Variants in ORC1 observed in about 807,000 individuals in gnomAD.
ORC1 encodes the protein origin recognition complex subunit 1.
A neutral mutation model predicts 98.9 loss-of-function variants in ORC1; 61 were observed. The observed-to-expected ratio is 0.62, with a 90% CI of 0.50 to 0.76. The LOEUF (loss-of-function observed/expected upper bound fraction) is 0.76, where lower values mean the gene tolerates loss of function less well. ORC1 is among the 30% of genes least tolerant of loss of function. ORC1 has a pLI of 0.00. For synonymous variants in ORC1, 385 were observed against 406.9 expected (o/e 0.95, Z 0.65); for missense variants, 979 against 1,072.2 (o/e 0.91, Z 1.21).
chr1:52,382,348 G>C lies in ORC1; in HGVS notation c.2014-587C>G, dbSNP rs561346632. ...CCTTTGATTCTATCAGAATCATTTGGAAGTAGATAAAAGCTGAGGTGCTTT... is the reference window on the plus strand; with the variant it reads ...CCTTTGATTCTATCAGAATCATTTGCAAGTAGATAAAAGCTGAGGTGCTTT... On this transcript the variant is annotated intron_variant, in intron 13 of 16. Coordinates refer to ENST00000371568, the MANE Select transcript of ORC1 (RefSeq NM_004153.4). Among the ~76,000 whole-genome samples the C allele has an allele frequency of 1.1e-4, 17 of 152,226 alleles. No homozygotes were observed. In the East Asian group the frequency reaches 2.7e-3, roughly 24 times the overall value.
chr1:52,402,033 G>A, intron 2 of ORC1, 96 bp downstream of exon 2: 2 of 896,920 alleles, frequency 2.2e-6, no homozygotes, highest in Middle Eastern at 2.1e-4. Flanking sequence ...GTTCATTCAT[G>A]GTCAATCTGT....
chr1:52,383,398 TG>T, intron 13 of ORC1, 21 bp downstream of exon 13: 1 of 1,612,076 alleles, frequency 6.2e-7, no homozygotes, highest in South Asian at 1.1e-5. Context: ...AAGAACAGCA[TG>T]GGAACTGCCC....
At chr1:52,392,441 C>T (rs1415144815) in intron 6 of ORC1, among the ~76,000 whole-genome samples, 2 of 152,168 alleles carry the variant, frequency 1.3e-5, no homozygotes, top group African/African-American at 2.4e-5. Context: ...AAAGGGAACA[C>T]TTCTACACTG....
At chr1:52,376,198 C>G (rs1324735100) in intron 14 of ORC1, among the ~76,000 whole-genome samples, 1 of 152,076 alleles carries the variant, frequency 6.6e-6, no homozygotes, top group Non-Finnish European at 1.5e-5. Context: ...ATGGCGAAAC[C>G]CCATCTCTAC....
Position 52,388,463 on chromosome 1 carries a change from G to GCC in ORC1, c.1361_1362insGG (p.Thr455AlafsTer40), listed in dbSNP as rs1647172177. 4 of 1,613,916 alleles carry GCC rather than the reference G, an allele frequency of 2.5e-6. No individual in the cohort carries two copies. The highest frequency in any genetic ancestry group is 3.4e-6 in the Non-Finnish European group (4 of 1,179,938). On this transcript the variant is annotated frameshift_variant, in exon 8 of 17. Transcript: ENST00000371568. LOFTEE classifies it high-confidence loss of function. ...TTACACTCTTCTTTGGCACCTTCGT[G>GCC]AGGGTATGTAAGGATGACTTCAAGG...
chr1:52,402,216 T>G lies in ORC1; in HGVS notation c.8A>C (p.His3Pro), dbSNP rs146333732. The G allele has an allele frequency of 4.3e-6, 7 of 1,613,882 alleles. No homozygotes were observed. In the East Asian group the frequency reaches 1.6e-4, roughly 36 times the overall value. The change falls in exon 2 of 17, where the codon CAC becomes CCC. Residue 3 changes from histidine to proline, a missense_variant. By Grantham distance (77) the His-to-Pro change is moderately conservative. Coordinates refer to ENST00000371568, the MANE Select transcript of ORC1 (RefSeq NM_004153.4). Reference sequence around the variant, plus strand: ...TCTGGTCTTCAGCCTTGTGGGGTAGTGTGCCATGGCTTCTGTGGAAGAGTC... The same window carrying G: ...TCTGGTCTTCAGCCTTGTGGGGTAGGGTGCCATGGCTTCTGTGGAAGAGTC... MAHYPTRLKTRKT... is the reference protein window; with the variant it reads MAPYPTRLKTRKT...
chr1:52,405,588 G>A, upstream of ORC1: 1 of 1,139,090 alleles, frequency 8.8e-7, no homozygotes, highest in South Asian at 1.4e-5. Flanking sequence ...CACTGTTGAT[G>A]TATATTTAGG....
upstream of ORC1, chr1:52,404,620 C>T (rs2147951881): frequency 2.0e-6 from 2 of 1,009,498 alleles, no homozygotes; most frequent in Non-Finnish European, 2.9e-6. Flanking sequence ...GTGTTTCCGG[C>T]TTCAAGATGG....
Position 52,400,200 on chromosome 1 carries a change from G to A in ORC1, c.223+1162C>T, listed in dbSNP as rs1399934965. 2.0e-5 allele frequency among the ~76,000 whole-genome samples: 3 copies of A among 152,158 alleles called. No homozygotes were observed. In the East Asian group the frequency reaches 5.8e-4, roughly 29 times the overall value. ...TATGTGCAGTACTCTCCCCTTATCT[G>A]CTGAGGGTACGCGCCAAGACCAGTA... On this transcript the variant is annotated intron_variant, in intron 3 of 16. Coordinates refer to ENST00000371568, the MANE Select transcript of ORC1 (RefSeq NM_004153.4).
chr1:52,395,875 G>A (rs867992023), intron 5 of ORC1, among the ~76,000 whole-genome samples, 171 bp downstream of exon 5: 3 of 152,168 alleles, frequency 2.0e-5, no homozygotes, highest in African/African-American at 7.2e-5. Flanking sequence ...TACCCTTGTA[G>A]TCCCAGCTAC....
At chr1:52,376,373 G>C (rs1646995178) in intron 14 of ORC1, among the ~76,000 whole-genome samples, 1 of 152,008 alleles carries the variant, frequency 6.6e-6, no homozygotes, top group African/African-American at 2.4e-5. Context: ...AAATCAGCCG[G>C]GCATGGTGGC....
chr1:52,385,090 G>GT, intron 10 of ORC1, 71 bp downstream of exon 10: 1 of 972,180 alleles, frequency 1.0e-6, no homozygotes, highest in South Asian at 1.3e-5. Flanking sequence ...TGGCTGAACT[G>GT]TAACACCCAA....
At chr1:52,374,048 G>A (rs962566787) in intron 16 of ORC1, among the ~76,000 whole-genome samples, 1 of 152,180 alleles carries the variant, frequency 6.6e-6, no homozygotes, top group Admixed American at 6.5e-5. Flanking sequence ...CAGGAACAGG[G>A]ATGTTAACCA....
rs1180440387 is a variant in ORC1 at position 52,397,831 on chromosome 1, C to G, written c.256G>C (p.Val86Leu). ...SDPPPKKRAR[V>L]QWFVRFCEVP... ...TCACAGAATCGGACAAACCACTGTACTCGAGCACGTTTCTTAGGAGGAGGA... is the reference window on the plus strand; with the variant it reads ...TCACAGAATCGGACAAACCACTGTAGTCGAGCACGTTTCTTAGGAGGAGGA... Residue 86 changes from valine (V) to leucine (L), a missense_variant, in exon 4 of 17, where the codon GTA becomes CTA. By Grantham distance (32) the Val-to-Leu change is conservative. Transcript: ENST00000371568. The G allele has an allele frequency of 6.2e-7, 1 of 1,614,102 alleles. No individual in the cohort carries two copies. The highest frequency in any genetic ancestry group is 8.5e-7 in the Non-Finnish European group (1 of 1,180,048).
chr1:52,408,642 C>G, upstream of ORC1: 2 of 1,614,136 alleles, frequency 1.2e-6, no homozygotes, highest in Non-Finnish European at 1.7e-6. Flanking sequence ...GTACTTGGAA[C>G]CTTTGTACAA....
chr1:52,383,662 G>T, intron 12 of ORC1, 93 bp from the exon 13 acceptor site: 1 of 1,451,774 alleles, frequency 6.9e-7, no homozygotes, highest in Non-Finnish European at 9.7e-7. Flanking sequence ...TTAGCTGCAT[G>T]TTTCCCAAGT....
Position 52,384,717 on chromosome 1 carries a change from T to C in ORC1, c.1588A>G (p.Met530Val). The C allele has an allele frequency of 6.2e-7, 1 of 1,613,416 alleles. No individual in the cohort carries two copies. Among genetic ancestry groups the C allele is most frequent in the South Asian group, 1.1e-5 (1 of 90,998 alleles). Residue 530 changes from methionine (M) to valine (V), a missense_variant, in exon 11 of 17, where the codon ATG becomes GTG. Coordinates refer to ENST00000371568, the MANE Select transcript of ORC1 (RefSeq NM_004153.4). ...GTCCCAGGGACACCGGAGATGTACA[T>C]GCACCTAGAGCAAGAGAGGAAAACC... ...SKLLDHTGGCMYISGVPGTGK... is the reference protein window; with the variant it reads ...SKLLDHTGGCVYISGVPGTGK...
intron 4 of ORC1, 82 bp downstream of exon 4, chr1:52,397,603 G>C: frequency 7.7e-7 from 1 of 1,291,668 alleles, no homozygotes. Context: ...ATTAGAGCCG[G>C]TAATATTTCT....
intron 6 of ORC1, among the ~76,000 whole-genome samples, chr1:52,391,294 C>T (rs939309293): frequency 1.2e-4 from 15 of 126,620 alleles, no homozygotes; most frequent in African/African-American, 3.2e-4. Context: ...GGGCGTCAGA[C>T]AGAGTGAGAC....
Sources: gnomAD v4.1 joint callset for allele counts (sites outside exome capture counted in the v4.1 genomes callset) on GRCh38, gnomAD v4.1.1 for gene constraint, MANE v1.5 for transcripts, NCBI Gene and HGNC (gene_info 2026-07-23, HGNC 2026-07-21) for gene names.